Variants in EXT1 observed in about 807,000 individuals in gnomAD.
EXT1 encodes exostosin glycosyltransferase 1.
Under a neutral mutation model 82.5 loss-of-function variants are expected in EXT1, and 20 were observed. The observed-to-expected ratio is 0.24, with a 90% CI of 0.17 to 0.35. The LOEUF (loss-of-function observed/expected upper bound fraction) is 0.35, where lower values mean the gene tolerates loss of function less well. Among genes scored for constraint, EXT1 ranks in the 10% least tolerant of loss-of-function variants. The probability of loss-of-function intolerance (pLI) is 1.00; values close to 1 mark genes in which losing one functional copy is unlikely to be tolerated. For synonymous variants in EXT1, 348 were observed against 350.8 expected, an observed-to-expected ratio of 0.99 and a Z score of 0.09; for missense variants, 757 against 936.5, an observed-to-expected ratio of 0.81 and a Z score of 2.50.
intron 1 of EXT1, among the ~76,000 whole-genome samples, chr8:118,041,580 T>C (rs914958948): frequency 2.6e-5 from 4 of 151,526 alleles, no homozygotes; most frequent in Non-Finnish European, 5.9e-5. Flanking sequence ...AAATAGCTAA[T>C]ACTTAAAGCA....
rs565177613 is a variant in EXT1 at position 117,796,209 on chromosome 8, A to G, written c.*3503T>C. On this transcript the variant is annotated 3_prime_UTR_variant, in exon 11 of 11. Coordinates refer to ENST00000378204, the MANE Select transcript of EXT1 (RefSeq NM_000127.3). Reference sequence around the variant, plus strand: ...ATCTCAAGAGACCCAAGGGAACACAAGACACTTCCAGGTCTGGGAAGTTTG... The same window carrying G: ...ATCTCAAGAGACCCAAGGGAACACAGGACACTTCCAGGTCTGGGAAGTTTG... The G allele has an allele frequency of 6.6e-6, 1 of 152,294 alleles. No individual in the cohort carries two copies. The highest frequency in any genetic ancestry group is 2.1e-4 in the South Asian group (1 of 4,826). 9.4% of individuals were successfully genotyped at this position (152,294 alleles called of 1,614,324 possible).
intron 1 of EXT1, among the ~76,000 whole-genome samples, chr8:117,963,039 T>C (rs1006168200): frequency 1.3e-5 from 2 of 152,208 alleles, no homozygotes; most frequent in African/African-American, 4.8e-5. Context: ...TTTCCTTATC[T>C]ATGAGGAACA....
intron 1 of EXT1, among the ~76,000 whole-genome samples, chr8:117,971,804 A>C (rs1814945654): frequency 6.6e-6 from 1 of 152,202 alleles, no homozygotes; most frequent in Admixed American, 6.5e-5. Flanking sequence ...TTTTTCCAAA[A>C]GGAAATTTTT....
intron 1 of EXT1, among the ~76,000 whole-genome samples, chr8:118,070,226 C>CTG (rs36229782): frequency 0.07 from 9,393 of 133,264 alleles, 370 homozygotes; most frequent in East Asian, 0.09. Flanking sequence ...TCATAAATTT[C>CTG]TGTGTGTGTG....
intron 1 of EXT1, among the ~76,000 whole-genome samples, chr8:117,909,111 G>A (rs1396082724): frequency 8.3e-5 from 12 of 144,404 alleles, no homozygotes; most frequent in African/African-American, 2.5e-4. Context: ...CAGCCTGGTC[G>A]ACAGAGCGAG....
At position 118,110,790 on chromosome 8, in the gene EXT1, C is replaced by A. The variant is rs1817885501; in HGVS notation, c.257G>T (p.Arg86Leu). The change falls in exon 1 of 11, where the codon CGA becomes CTA. Residue 86 changes from arginine (R) to leucine (L), a missense_variant. Physicochemically the swap from Arg to Leu is moderately radical, Grantham distance 102 (BLOSUM62 -2). Transcript: ENST00000378204. ...TTTGTAGATGCTGGAGTTGGCATCT[C>A]GCTTCTGCCGGGGGGAAATGTGCAC... Reference protein sequence around the residue: ...SSVHISPRQKRDANSSIYKGK... With the variant: ...SSVHISPRQKLDANSSIYKGK... 2 of 1,613,598 alleles carry A rather than the reference C, an allele frequency of 1.2e-6. No homozygotes were observed. Among genetic ancestry groups the A allele is most frequent in the South Asian group, 1.1e-5 (1 of 91,072 alleles).
chr8:117,877,912 C>T (rs191648766), intron 1 of EXT1, among the ~76,000 whole-genome samples: 1 of 152,268 alleles, frequency 6.6e-6, no homozygotes, highest in East Asian at 1.9e-4. Flanking sequence ...ATTAAAGACA[C>T]CTTGGTTATA....
At chr8:117,997,033 A>G (rs1233941190) in intron 1 of EXT1, among the ~76,000 whole-genome samples, 1 of 152,120 alleles carries the variant, frequency 6.6e-6, no homozygotes, top group East Asian at 1.9e-4. Context: ...TTCCTTCTCC[A>G]TGTTACACCC....
intron 1 of EXT1, among the ~76,000 whole-genome samples, chr8:118,049,804 T>C (rs1211890942): frequency 6.6e-6 from 1 of 151,986 alleles, no homozygotes; most frequent in Non-Finnish European, 1.5e-5. Context: ...AGTGTGTTAA[T>C]GGGGGAAAAA....
At chr8:117,945,964 G>A (rs138928487) in intron 1 of EXT1, among the ~76,000 whole-genome samples, 18 of 152,228 alleles carry the variant, frequency 1.2e-4, no homozygotes, top group African/African-American at 3.6e-4. Flanking sequence ...GTGCAATGGC[G>A]CAATCTCAGC....
At chr8:117,886,918 G>T (rs1255896821) in intron 1 of EXT1, among the ~76,000 whole-genome samples, 2 of 152,198 alleles carry the variant, frequency 1.3e-5, no homozygotes, top group African/African-American at 4.8e-5. Context: ...CTTAGAATCT[G>T]AAGTCAGATG....
chr8:117,988,587 C>G (rs776813184), intron 1 of EXT1, among the ~76,000 whole-genome samples: 3 of 152,180 alleles, frequency 2.0e-5, no homozygotes, highest in African/African-American at 7.2e-5. Context: ...ATCGGCCGGG[C>G]AGAGAGGAAA....
chr8:117,921,724 C>T (rs1033130163), intron 1 of EXT1, among the ~76,000 whole-genome samples: 5 of 152,156 alleles, frequency 3.3e-5, no homozygotes, highest in African/African-American at 1.2e-4. Flanking sequence ...ACAGCTTGGG[C>T]ATTATTTATA....
intron 1 of EXT1, among the ~76,000 whole-genome samples, chr8:118,020,916 G>A (rs1200561815): frequency 1.3e-5 from 2 of 152,166 alleles, no homozygotes; most frequent in Non-Finnish European, 2.9e-5. Context: ...AAATTCTTCG[G>A]CATCACGTGG....
intron 1 of EXT1, among the ~76,000 whole-genome samples, chr8:118,044,702 C>T (rs13277304): frequency 0.35 from 53,841 of 151,900 alleles, 10,467 homozygotes; most frequent in Middle Eastern, 0.47. Context: ...CCACCGTGCG[C>T]GGCTGATTTT....
At chr8:117,860,113 C>T (rs1436368087) in intron 1 of EXT1, among the ~76,000 whole-genome samples, 2 of 145,896 alleles carry the variant, frequency 1.4e-5, no homozygotes, top group African/African-American at 5.1e-5. Flanking sequence ...CGCTACTGCC[C>T]TCCAGCCTGG....
rs1812696800 is a variant in EXT1 at position 117,862,077 on chromosome 8, T to A, written c.963-24876A>T. On this transcript the variant is annotated intron_variant, in intron 1 of 10. Transcript: ENST00000378204. ...AAATTTAGACACTAGAGATGCTCAA[T>A]CATGCGCTCTGTAAGCAAATCACAC... is the stretch of plus-strand genomic sequence containing the variant. Among the ~76,000 whole-genome samples, 2 of 146,232 alleles carry A rather than the reference T, an allele frequency of 1.4e-5. 1 individual carries two copies. Among genetic ancestry groups the A allele is most frequent in the Admixed American group, 1.4e-4 (2 of 14,432 alleles).
intron 1 of EXT1, among the ~76,000 whole-genome samples, chr8:118,035,250 A>T (rs573938388): frequency 4.6e-5 from 7 of 152,272 alleles, no homozygotes; most frequent in African/African-American, 1.7e-4. Flanking sequence ...CGCACACAGG[A>T]AGCTTGGAAT....
At chr8:117,970,981 G>A (rs1814927696) in intron 1 of EXT1, among the ~76,000 whole-genome samples, 2 of 152,198 alleles carry the variant, frequency 1.3e-5, no homozygotes, top group Non-Finnish European at 2.9e-5. Flanking sequence ...ATGATTCTTG[G>A]CACAGAGAAG....
Sources: gnomAD v4.1 joint callset for allele counts (sites outside exome capture counted in the v4.1 genomes callset) on GRCh38, gnomAD v4.1.1 for gene constraint, MANE v1.5 for transcripts, NCBI Gene and HGNC (gene_info 2026-07-23, HGNC 2026-07-21) for gene names.